The following BNC2 variants were observed in gnomAD, a reference collection of about 807,000 sequenced individuals.
BNC2 encodes basonuclin zinc finger protein 2, also known as zinc finger protein basonuclin-2.
BNC2 carries 20 observed loss-of-function variants against 76.3 expected under a neutral mutation model. The observed-to-expected ratio is 0.26, with a 90% CI of 0.18 to 0.38. The LOEUF is 0.38. Ranked by LOEUF, BNC2 falls within the 10% of genes least tolerant of loss-of-function variation. The pLI is 1.00. For synonymous variants in BNC2, 582 were observed against 514.8 expected (o/e 1.13, Z -1.77); for missense variants, 1,382 against 1,399.8 (o/e 0.99, Z 0.20).
intron 5 of BNC2, among the ~76,000 whole-genome samples, chr9:16,522,278 C>T (rs1396505828): frequency 6.6e-6 from 1 of 152,188 alleles, no homozygotes; most frequent in Admixed American, 6.5e-5. Context: ...AAGGACAAAA[C>T]ATTAGCAGAA....
In BNC2 at chr9:16,412,720, GGA is replaced by G. The variant is rs58174243; in HGVS notation, c.*6267_*6268del. 0.02 allele frequency: 2,446 copies of G among 119,734 alleles called. 37 individuals are homozygous for G. The highest frequency in any genetic ancestry group is 0.026 in the Middle Eastern group (5 of 190). The allele number at this position is 119,734 out of a possible 1,614,324, so 7.4% of individuals were successfully genotyped here. A position where few individuals can be genotyped will look rare whatever the true frequency, so the allele number is the denominator to read the frequency against. ...AATAAGAGGGAAGGAGAGAGAGAGGGGAGAGAGAGAGAGAGAGAGAGAGAGAG... is the reference window on the plus strand; with the variant it reads ...AATAAGAGGGAAGGAGAGAGAGAGGGGAGAGAGAGAGAGAGAGAGAGAGAG... On this transcript the variant is annotated 3_prime_UTR_variant, in exon 7 of 7. Transcript: ENST00000380672.
chr9:16,600,859 G>T (rs1390520578), intron 3 of BNC2, among the ~76,000 whole-genome samples: 1 of 152,180 alleles, frequency 6.6e-6, no homozygotes, highest in Admixed American at 6.5e-5. Flanking sequence ...GTACACAGTT[G>T]TCAGGTGTCC....
intron 5 of BNC2, among the ~76,000 whole-genome samples, chr9:16,539,727 A>C (rs1818252247): frequency 7.1e-6 from 1 of 141,188 alleles, no homozygotes. Flanking sequence ...AGGGGAAGGA[A>C]AAGAGGGAAA....
chr9:16,499,236 T>C (rs1822466339), intron 5 of BNC2, among the ~76,000 whole-genome samples: 1 of 152,190 alleles, frequency 6.6e-6, no homozygotes, highest in African/African-American at 2.4e-5. Flanking sequence ...ACTATTCTCA[T>C]TTAACAAATG....
At chr9:16,847,401 C>A (rs12003786) in intron 1 of BNC2, among the ~76,000 whole-genome samples, 10 of 10,352 alleles carry the variant, frequency 9.7e-4, no homozygotes, top group Non-Finnish European at 2.2e-3. Context: ...TTTCTCGGGG[C>A]GGGGGGGGGG....
chr9:16,821,065 T>C, intron 1 of BNC2, among the ~76,000 whole-genome samples: 1 of 151,864 alleles, frequency 6.6e-6, no homozygotes. Context: ...AAACCCCATC[T>C]CTACTAAAAA....
chr9:16,787,555 C>A (rs1826330147), intron 1 of BNC2, among the ~76,000 whole-genome samples: 1 of 152,136 alleles, frequency 6.6e-6, no homozygotes. Context: ...ATGGAGCTAT[C>A]CTGATGATGA....
rs774478595 is a variant in BNC2, at chr9:16,419,439, C to T, written c.2850G>A (p.Gly950=). Residue 950 remains glycine, a synonymous_variant, in exon 7 of 7, where the codon GGG becomes GGA. Transcript: ENST00000380672. ...GTEDSHLNGY[G]RGMAEDYMVL... ...CCATGTAGTCCTCTGCCATGCCTCT[C>T]CCATACCCGTTCAGGTGGGAGTCTT... 1 of 1,611,152 alleles carries T rather than the reference C, an allele frequency of 6.2e-7. No individual in the cohort carries two copies. Among genetic ancestry groups the T allele is most frequent in the African/African-American group, 1.3e-5 (1 of 74,838 alleles).
chr9:16,727,476 T>A (rs1587357520), intron 3 of BNC2: 1 of 287,024 alleles, frequency 3.5e-6, no homozygotes, highest in East Asian at 7.5e-5. Context: ...GGAGGTGGCT[T>A]TTTTCATTCT....
intron 4 of BNC2, among the ~76,000 whole-genome samples, chr9:16,568,999 T>C (rs1819241619): frequency 6.9e-6 from 1 of 144,786 alleles, no homozygotes; most frequent in Non-Finnish European, 1.5e-5. Flanking sequence ...GGCTTGCTTC[T>C]AGAGTTTTTT....
intron 1 of BNC2, among the ~76,000 whole-genome samples, chr9:16,834,430 T>G (rs1276543139): frequency 6.6e-6 from 1 of 152,178 alleles, no homozygotes; most frequent in Non-Finnish European, 1.5e-5. Context: ...GACAGACAGT[T>G]GCAGAAAAGC....
chr9:16,487,566 A>C (rs1040874835), intron 5 of BNC2, among the ~76,000 whole-genome samples: 3 of 152,178 alleles, frequency 2.0e-5, no homozygotes, highest in African/African-American at 7.2e-5. Flanking sequence ...TTAATAGTTG[A>C]ATATTATTTT....
At chr9:16,497,786 C>A (rs1486767259) in intron 5 of BNC2, among the ~76,000 whole-genome samples, 1 of 152,014 alleles carries the variant, frequency 6.6e-6, no homozygotes, top group African/African-American at 2.4e-5. Flanking sequence ...ATACTATATA[C>A]CCTGGAAAGA....
chr9:16,757,778 AG>A (rs1194163472), intron 1 of BNC2, among the ~76,000 whole-genome samples: 1 of 152,182 alleles, frequency 6.6e-6, no homozygotes, highest in Non-Finnish European at 1.5e-5. Context: ...GTTATTTAAA[AG>A]CAAAATTAAT....
rs1440291405 is a variant in BNC2 at position 16,412,749 on chromosome 9, G to C, written c.*6240C>G. 1 of 135,536 alleles carries C rather than the reference G, an allele frequency of 7.4e-6. No homozygotes were observed. The highest frequency in any genetic ancestry group is 7.2e-5 in the Admixed American group (1 of 13,936). 8.4% of individuals were successfully genotyped at this position (135,536 alleles called of 1,614,324 possible). On this transcript the variant is annotated 3_prime_UTR_variant, in exon 7 of 7. Transcript: ENST00000380672. ...AGAGAGAGAGAGAGAGAGAGAGAGA[G>C]AGAGAGAGAGAGAGAGACTGACTGA...
At chr9:16,761,568 G>A (rs938999866) in intron 1 of BNC2, among the ~76,000 whole-genome samples, 1 of 152,158 alleles carries the variant, frequency 6.6e-6, no homozygotes, top group Non-Finnish European at 1.5e-5. Context: ...GCTTTTGCGG[G>A]GAGAGGGAGT....
chr9:16,608,740 T>A (rs554599253), intron 3 of BNC2, among the ~76,000 whole-genome samples: 1 of 152,186 alleles, frequency 6.6e-6, no homozygotes, highest in South Asian at 2.1e-4. Flanking sequence ...TAAGTTGATG[T>A]CATGAAAAGA....
chr9:16,586,689 C>T (rs1235667119), intron 3 of BNC2, among the ~76,000 whole-genome samples: 1 of 152,196 alleles, frequency 6.6e-6, no homozygotes, highest in African/African-American at 2.4e-5. Flanking sequence ...ACTTCACGCC[C>T]TCCTACAGCT....
intron 3 of BNC2, among the ~76,000 whole-genome samples, chr9:16,613,713 C>A (rs1460115437): frequency 1.3e-5 from 2 of 152,150 alleles, no homozygotes; most frequent in African/African-American, 4.8e-5. Context: ...TGAATCCAAC[C>A]ACCAATTCAG....
Sources: gnomAD v4.1 joint callset for allele counts (sites outside exome capture counted in the v4.1 genomes callset) on GRCh38, gnomAD v4.1.1 for gene constraint, MANE v1.5 for transcripts, NCBI Gene and HGNC (gene_info 2026-07-23, HGNC 2026-07-21) for gene names.